VCL: variants seen among roughly 807,000 people sequenced by gnomAD.
VCL encodes vinculin.
A neutral mutation model predicts 125.7 loss-of-function variants in VCL; 47 were observed. The observed-to-expected ratio is 0.37, with a 90% confidence interval of 0.30 to 0.48. The LOEUF is 0.48. Ranked by LOEUF, VCL falls within the 20% of genes least tolerant of loss-of-function variation. The pLI is 0.99. For synonymous variants in VCL, 458 were observed against 514.6 expected, an observed-to-expected ratio of 0.89 and a Z score of 1.49; for missense variants, 1,069 against 1,455.5, an observed-to-expected ratio of 0.73 and a Z score of 4.32.
intron 5 of VCL, among the ~76,000 whole-genome samples, chr10:74,073,844 A>G (rs1839531543): frequency 6.6e-6 from 1 of 152,196 alleles, no homozygotes; most frequent in Admixed American, 6.5e-5. Flanking sequence ...AGGCAACTTT[A>G]TTATAAAAAT....
chr10:74,026,173 C>T (rs558264431), intron 1 of VCL, among the ~76,000 whole-genome samples: 30 of 152,198 alleles, frequency 2.0e-4, no homozygotes, highest in Admixed American at 5.9e-4. Context: ...CCATGTTGAA[C>T]ATGCCTGGCC....
chr10:74,033,073 G>T (rs1168980702), intron 1 of VCL, among the ~76,000 whole-genome samples: 2 of 152,070 alleles, frequency 1.3e-5, no homozygotes, highest in East Asian at 3.9e-4. Flanking sequence ...ACAAAACCTT[G>T]TACACTAATG....
At chr10:74,121,210 A>C (rs1356851715), downstream of VCL, 1 of 152,144 alleles carries the variant, frequency 6.6e-6, no homozygotes, top group Admixed American at 6.6e-5. Context: ...CCATATGTTC[A>C]CTGGTGCTGC....
At chr10:74,116,251 C>T (rs7922894) in intron 21 of VCL, among the ~76,000 whole-genome samples, 80,990 of 151,954 alleles carry the variant, frequency 0.53, 22,557 homozygotes, top group Middle Eastern at 0.62. Flanking sequence ...GTTGCTTCTG[C>T]TACCATATTC....
chr10:74,103,772 T>C (rs1187369794), intron 14 of VCL, 48 bp from the exon 15 acceptor site: 3 of 1,549,302 alleles, frequency 1.9e-6, no homozygotes, highest in Non-Finnish European at 8.9e-7. Flanking sequence ...GGTTTGTATC[T>C]GGAGAGCAAG....
At chr10:74,092,066 G>A (rs1021688172) in intron 10 of VCL, among the ~76,000 whole-genome samples, 11 of 151,662 alleles carry the variant, frequency 7.3e-5, no homozygotes, top group Admixed American at 5.9e-4. Flanking sequence ...ACACCACCAC[G>A]CCCAGCTAAA....
intron 1 of VCL, among the ~76,000 whole-genome samples, chr10:74,032,240 T>TAAAA (rs770412004): frequency 7.9e-5 from 6 of 75,974 alleles, no homozygotes; most frequent in African/African-American, 1.3e-4. Context: ...TGTTTCAGAA[T>TAAAA]AAAAAAAAAA....
chr10:74,073,286 G>T (rs1009000199), intron 5 of VCL, among the ~76,000 whole-genome samples: 1 of 152,110 alleles, frequency 6.6e-6, no homozygotes, highest in Non-Finnish European at 1.5e-5. Context: ...TTCAGCCTAG[G>T]TAAAAATGAG....
At position 74,105,080 on chromosome 10, in the gene VCL, T is replaced by C. The variant is rs1840110526; in HGVS notation, c.2161T>C (p.Ser721Pro). The C allele has an allele frequency of 6.2e-7, 1 of 1,614,038 alleles. No individual in the cohort carries two copies. Among genetic ancestry groups the C allele is most frequent in the Non-Finnish European group, 8.5e-7 (1 of 1,180,020 alleles). Reference protein sequence around the residue: ...GLVDEAIDTKSLLDASEEAIK... With the variant: ...GLVDEAIDTKPLLDASEEAIK... ...GGTGGACGAAGCCATTGATACCAAA[T>C]CTCTGTTGGATGCTTCAGAAGAAGC... Residue 721 changes from serine (S) to proline (P), a missense_variant, in exon 16 of 22, where the codon TCT becomes CCT. By Grantham distance (74) the Ser-to-Pro change is moderately conservative (BLOSUM62 -1). Coordinates refer to ENST00000211998, the MANE Select transcript of VCL (RefSeq NM_014000.3).
intron 2 of VCL, among the ~76,000 whole-genome samples, chr10:74,054,407 G>A (rs915493945): frequency 6.6e-6 from 1 of 152,138 alleles, no homozygotes; most frequent in South Asian, 2.1e-4. Context: ...GTTGATAGAC[G>A]TTAGCCTGCT....
intron 6 of VCL, chr10:74,077,765 C>G (rs1437415952): frequency 2.2e-6 from 1 of 454,530 alleles, no homozygotes; most frequent in Admixed American, 2.4e-5. Flanking sequence ...GGAAAAAATT[C>G]TTGGTAAAAG....
At chr10:74,050,085 C>T (rs1841272540) in intron 2 of VCL, among the ~76,000 whole-genome samples, 1 of 152,186 alleles carries the variant, frequency 6.6e-6, no homozygotes. Flanking sequence ...AGCATCACTT[C>T]TGAGGTGGTC....
At chr10:74,056,347 A>G (rs1166626333) in intron 2 of VCL, among the ~76,000 whole-genome samples, 4 of 152,056 alleles carry the variant, frequency 2.6e-5, no homozygotes, top group Non-Finnish European at 5.9e-5. Flanking sequence ...ATTGAGATAT[A>G]ATTGACAAAT....
intron 2 of VCL, among the ~76,000 whole-genome samples, chr10:74,046,120 T>C (rs566372174): frequency 1.3e-5 from 2 of 152,186 alleles, no homozygotes; most frequent in Admixed American, 6.5e-5. Context: ...GCATCTGTTT[T>C]TTTGTACAGC....
Position 74,089,345 on chromosome 10 carries a change from C to T in VCL, c.1172C>T (p.Ala391Val). Residue 391 changes from alanine to valine, a missense_variant, in exon 9 of 22, where the codon GCT (alanine) becomes GTT (valine). Ala to Val is a moderately conservative substitution (Grantham distance 64). Transcript: ENST00000211998. ...KQSIAKKIDA[A>V]QNWLADPNGG... The stretch of plus-strand genomic sequence containing the variant: ...AGCATTGCAAAGAAGATCGATGCTG[C>T]TCAGGTAGTCACAGTGATTTTCAGG... 1 of 1,613,924 alleles carries T rather than the reference C, an allele frequency of 6.2e-7. No homozygotes were observed. Among genetic ancestry groups the T allele is most frequent in the Non-Finnish European group, 8.5e-7 (1 of 1,180,032 alleles).
At chr10:74,108,314 C>G (rs994948296) in intron 17 of VCL, among the ~76,000 whole-genome samples, 4 of 152,294 alleles carry the variant, frequency 2.6e-5, no homozygotes, top group African/African-American at 9.6e-5. Context: ...GATGAGGAAC[C>G]TCAGGCCAAG....
At chr10:74,042,962 C>T (rs1199656780) in intron 1 of VCL, 121 bp from the exon 2 acceptor site, 3 of 1,063,868 alleles carry the variant, frequency 2.8e-6, no homozygotes. Flanking sequence ...AGAAATCTCC[C>T]TTAAATCTAG....
intron 1 of VCL, among the ~76,000 whole-genome samples, chr10:74,001,327 A>C (rs1299651724): frequency 1.3e-5 from 2 of 152,116 alleles, no homozygotes; most frequent in Non-Finnish European, 2.9e-5. Context: ...CTTTTTAAAA[A>C]ATTTTATTTT....
intron 1 of VCL, among the ~76,000 whole-genome samples, chr10:74,002,818 G>A (rs1025546931): frequency 7.3e-5 from 11 of 149,860 alleles, no homozygotes; most frequent in Non-Finnish European, 1.0e-4. Context: ...GGAGGTGGAG[G>A]TTGCACTGAG....
Sources: allele counts gnomAD v4.1 joint callset (sites outside exome capture counted in the v4.1 genomes callset), GRCh38; gene constraint gnomAD v4.1.1; transcripts MANE v1.5; gene names NCBI Gene and HGNC (gene_info 2026-07-23, HGNC 2026-07-21).